The following CCSER1 variants were observed in gnomAD, a reference collection of about 807,000 sequenced individuals.
The protein encoded by CCSER1 is serine-rich coiled-coil domain-containing protein 1.
A neutral mutation model predicts 82.0 loss-of-function variants in CCSER1; 41 were observed. That is an observed-to-expected ratio of 0.50 (90% CI 0.39 to 0.65). The LOEUF (loss-of-function observed/expected upper bound fraction) is 0.65. CCSER1 is among the 30% of genes least tolerant of loss of function. The pLI is 0.00. For synonymous variants in CCSER1, 414 were observed against 383.9 expected, an observed-to-expected ratio of 1.08 and a Z score of -0.92; for missense variants, 1,119 against 1,064.2, an observed-to-expected ratio of 1.05 and a Z score of -0.72.
intron 10 of CCSER1, among the ~76,000 whole-genome samples, chr4:91,161,639 C>T (rs1731410859): frequency 1.3e-5 from 2 of 151,994 alleles, no homozygotes; most frequent in East Asian, 3.9e-4. Flanking sequence ...AGTTGGATTC[C>T]TAGGTATTTT....
chr4:91,205,512 T>G (rs1736271129), intron 10 of CCSER1, among the ~76,000 whole-genome samples: 1 of 151,934 alleles, frequency 6.6e-6, no homozygotes, highest in Non-Finnish European at 1.5e-5. Context: ...CATTACCATG[T>G]AAATTGATGA....
chr4:91,258,579 T>A (rs6820918), intron 10 of CCSER1, among the ~76,000 whole-genome samples: 78,574 of 151,834 alleles, frequency 0.52, 21,123 homozygotes, highest in African/African-American at 0.67. Flanking sequence ...CAAACTAAGT[T>A]TTATTATCTT....
At chr4:91,046,451 C>G (rs1742494655) in intron 9 of CCSER1, among the ~76,000 whole-genome samples, 1 of 151,964 alleles carries the variant, frequency 6.6e-6, no homozygotes, top group African/African-American at 2.4e-5. Context: ...TTTAATCATT[C>G]AAATTGAACT....
chr4:90,558,014 C>T (rs1778330929), intron 5 of CCSER1, among the ~76,000 whole-genome samples: 1 of 152,052 alleles, frequency 6.6e-6, no homozygotes, highest in African/African-American at 2.4e-5. Flanking sequence ...GGTTTATTTG[C>T]TGCTAGGTAA....
intron 10 of CCSER1, among the ~76,000 whole-genome samples, chr4:91,586,260 T>C (rs887609965): frequency 7.3e-5 from 11 of 151,694 alleles, no homozygotes; most frequent in African/African-American, 2.7e-4. Flanking sequence ...AAAAAAGTCA[T>C]GGAGGTAGAT....
At chr4:91,112,722 A>G (rs1726197809) in intron 10 of CCSER1, 1 of 152,170 alleles carries the variant, frequency 6.6e-6, no homozygotes, top group Non-Finnish European at 1.5e-5. Context: ...TCATCTCTGA[A>G]GGAAATTATG....
intron 9 of CCSER1, among the ~76,000 whole-genome samples, chr4:90,949,047 C>T (rs180992892): frequency 7.9e-5 from 12 of 152,154 alleles, no homozygotes; most frequent in Admixed American, 7.2e-4. Context: ...AATTAGAGAT[C>T]ACCTTTCAAC....
At chr4:91,497,613 C>G (rs964822910) in intron 10 of CCSER1, among the ~76,000 whole-genome samples, 2 of 151,490 alleles carry the variant, frequency 1.3e-5, no homozygotes, top group Non-Finnish European at 3.0e-5. Flanking sequence ...AAGGAGTTAC[C>G]GTGTTCAGTA....
At chr4:90,527,876 A>T (rs1773987218) in intron 5 of CCSER1, among the ~76,000 whole-genome samples, 1 of 152,260 alleles carries the variant, frequency 6.6e-6, no homozygotes, top group East Asian at 1.9e-4. Context: ...TTAAAGCTTT[A>T]CCTAAAATAT....
At chr4:90,249,844 T>A (rs1722074364) in intron 1 of CCSER1, among the ~76,000 whole-genome samples, 1 of 152,122 alleles carries the variant, frequency 6.6e-6, no homozygotes, top group African/African-American at 2.4e-5. Context: ...ACTTGCACCA[T>A]TTTATATTTC....
intron 10 of CCSER1, among the ~76,000 whole-genome samples, chr4:91,521,329 G>C (rs1052134578): frequency 6.6e-6 from 1 of 152,134 alleles, no homozygotes; most frequent in Non-Finnish European, 1.5e-5. Context: ...GAATAGTGCC[G>C]CAATAAACAT....
chr4:90,372,210 T>C (rs1245341428), intron 3 of CCSER1, among the ~76,000 whole-genome samples: 1 of 152,180 alleles, frequency 6.6e-6, no homozygotes, highest in Non-Finnish European at 1.5e-5. Context: ...AACATAACAC[T>C]CTGTGGCTTA....
chr4:91,252,292 G>A (rs1180527316), intron 10 of CCSER1, among the ~76,000 whole-genome samples: 1 of 152,078 alleles, frequency 6.6e-6, no homozygotes, highest in African/African-American at 2.4e-5. Context: ...AACTGAGGGA[G>A]TTTCTTATCA....
At chr4:90,642,154 A>G (rs769686853) in intron 6 of CCSER1, 1 of 159,218 alleles carries the variant, frequency 6.3e-6, no homozygotes, top group Non-Finnish European at 1.4e-5. Flanking sequence ...TCACTTAAGC[A>G]AAGTGGAAAA....
intron 6 of CCSER1, among the ~76,000 whole-genome samples, chr4:90,712,306 T>G (rs1740765734): frequency 6.6e-6 from 1 of 152,042 alleles, no homozygotes; most frequent in African/African-American, 2.4e-5. Context: ...TTCTTAACAC[T>G]GCCTTAGCTA....
intron 1 of CCSER1, among the ~76,000 whole-genome samples, chr4:90,219,003 C>A (rs1264671021): frequency 1.3e-5 from 2 of 151,950 alleles, no homozygotes; most frequent in Non-Finnish European, 2.9e-5. Context: ...GGAATTTGAC[C>A]TAAGGTTAAG....
chr4:90,470,357 T>G (rs998008396), intron 5 of CCSER1, among the ~76,000 whole-genome samples: 6 of 152,286 alleles, frequency 3.9e-5, no homozygotes, highest in Admixed American at 1.3e-4. Context: ...TACCCAACAC[T>G]GTTATTTTGA....
intron 7 of CCSER1, among the ~76,000 whole-genome samples, chr4:90,779,407 A>G (rs1753437241): frequency 6.6e-6 from 1 of 151,872 alleles, no homozygotes; most frequent in Non-Finnish European, 1.5e-5. Context: ...CGCTCATCAT[A>G]CTTTAAAAAA....
intron 5 of CCSER1, among the ~76,000 whole-genome samples, chr4:90,513,740 CG>C (rs977101871): frequency 1.3e-5 from 2 of 151,656 alleles, no homozygotes; most frequent in Admixed American, 6.6e-5. Flanking sequence ...GGCTTAAGAA[CG>C]GGGGAGGTAT....
Sources: allele counts gnomAD v4.1 joint callset (sites outside exome capture counted in the v4.1 genomes callset), GRCh38; gene constraint gnomAD v4.1.1; transcripts MANE v1.5; gene names NCBI Gene and HGNC (gene_info 2026-07-23, HGNC 2026-07-21).